C5: variants seen among roughly 807,000 people sequenced by gnomAD.
C5 encodes the protein C3 and PZP-like alpha-2-macroglobulin domain-containing protein 4.
In C5, 140 loss-of-function variants were observed where a neutral mutation model predicts 218.8. The observed-to-expected ratio is 0.64, with a 90% CI of 0.56 to 0.74. The LOEUF (loss-of-function observed/expected upper bound fraction) is 0.74. Ranked by LOEUF, C5 falls within the 30% of genes least tolerant of loss-of-function variation. C5 has a pLI of 0.00. For synonymous variants in C5, 614 were observed against 682.3 expected, an observed-to-expected ratio of 0.90 and a Z score of 1.56; for missense variants, 1,700 against 1,969.6, an observed-to-expected ratio of 0.86 and a Z score of 2.59.
Position 121,035,735 on chromosome 9 carries a change from A to AT in C5, c.493-842dup, listed in dbSNP as rs1198702865. Among the ~76,000 whole-genome samples, 633 of 143,914 alleles carry AT rather than the reference A, an allele frequency of 4.4e-3. 1 individual carries two copies. Among genetic ancestry groups the AT allele is most frequent in the Admixed American group, 6.1e-3 (88 of 14,358 alleles). The allele number at this position is 143,914 out of a possible 152,430, so 94.4% of individuals were successfully genotyped here. On this transcript the variant is annotated intron_variant, in intron 4 of 40. Transcript: ENST00000223642. ...CAGGCACATGCCACCATGCCCAGCTATTTTTTTTTTTTTAATTTTTAGTAG... is the reference window on the plus strand; with the variant it reads ...CAGGCACATGCCACCATGCCCAGCTATTTTTTTTTTTTTTAATTTTTAGTAG...
chr9:121,020,220 T>C, intron 11 of C5, 41 bp from the exon 12 acceptor site: 1 of 1,325,080 alleles, frequency 7.5e-7, no homozygotes, highest in Non-Finnish European at 1.1e-6. Context: ...TACTGTGATG[T>C]AATGCTTTCT....
chr9:121,069,571 T>G, the C5 span, among the ~76,000 whole-genome samples: 10 of 151,488 alleles, frequency 6.6e-5, no homozygotes, highest in East Asian at 1.7e-3. Context: ...GGCATTGCAG[T>G]GGCATGATGA....
At chr9:120,957,144 C>A in intron 39 of C5, 141 bp downstream of exon 39, 3 of 647,496 alleles carry the variant, frequency 4.6e-6, no homozygotes, top group South Asian at 3.4e-5. Context: ...AATGTTTCTC[C>A]CCAAGTAGAA....
At chr9:121,073,365 T>G in the C5 span, among the ~76,000 whole-genome samples, 1 of 152,178 alleles carries the variant, frequency 6.6e-6, no homozygotes, top group South Asian at 2.1e-4. Flanking sequence ...TAAACTCTTC[T>G]TTTGGGCGTA....
intron 25 of C5, among the ~76,000 whole-genome samples, chr9:120,988,773 A>G (rs1320016445): frequency 6.6e-6 from 1 of 152,220 alleles, no homozygotes; most frequent in Admixed American, 6.5e-5. Context: ...CTGAACCCAG[A>G]AGACTAAGGG....
At chr9:121,035,882 CA>C (rs1258289581) in intron 4 of C5, among the ~76,000 whole-genome samples, 6 of 151,748 alleles carry the variant, frequency 4.0e-5, no homozygotes, top group Non-Finnish European at 5.9e-5. Context: ...GACCAGCCTA[CA>C]AAAAAATGTT....
the C5 span, among the ~76,000 whole-genome samples, chr9:121,055,311 T>G: frequency 6.6e-6 from 1 of 152,098 alleles, no homozygotes; most frequent in African/African-American, 2.4e-5. Flanking sequence ...TTCACAGATT[T>G]TTTTTCCTCT....
chr9:121,029,797 CT>C (rs1448812834), intron 7 of C5, among the ~76,000 whole-genome samples: 1 of 152,192 alleles, frequency 6.6e-6, no homozygotes, highest in African/African-American at 2.4e-5. Context: ...TCCATTGCCT[CT>C]TTGAGTGTTG....
chr9:120,963,537 A>G (rs2046843329), intron 34 of C5, 99 bp downstream of exon 34: 2 of 881,344 alleles, frequency 2.3e-6, no homozygotes. Flanking sequence ...TGATTCTATA[A>G]AAGTGGTATA....
the C5 span, among the ~76,000 whole-genome samples, chr9:121,069,103 A>G: frequency 1.3e-5 from 2 of 152,198 alleles, no homozygotes; most frequent in Non-Finnish European, 1.5e-5. Flanking sequence ...GATTTTATGA[A>G]TAAGACCTCA....
chr9:120,996,000 G>A (rs1042751743), intron 22 of C5, among the ~76,000 whole-genome samples: 2 of 151,898 alleles, frequency 1.3e-5, no homozygotes, highest in Admixed American at 1.3e-4. Flanking sequence ...TGTATTTTTA[G>A]TAGAGGTAGG....
upstream of C5, among the ~76,000 whole-genome samples, chr9:121,054,238 C>T (rs2047687242): frequency 6.6e-6 from 1 of 152,060 alleles, no homozygotes; most frequent in South Asian, 2.1e-4. Context: ...TAAACAAGAC[C>T]TCAGGCCATT....
intron 25 of C5, among the ~76,000 whole-genome samples, chr9:120,985,782 G>A (rs1358391484): frequency 6.6e-6 from 1 of 152,170 alleles, no homozygotes; most frequent in East Asian, 1.9e-4. Context: ...CATTTTGGAA[G>A]CAAATAACCA....
At chr9:121,000,348 C>T (rs1012895959) in intron 20 of C5, among the ~76,000 whole-genome samples, 5 of 152,118 alleles carry the variant, frequency 3.3e-5, no homozygotes, top group Non-Finnish European at 5.9e-5. Flanking sequence ...AGAATAACAA[C>T]ATCAAAAACG....
intron 25 of C5, among the ~76,000 whole-genome samples, chr9:120,985,551 A>G (rs2047026849): frequency 6.6e-6 from 1 of 151,288 alleles, no homozygotes; most frequent in Admixed American, 6.6e-5. Flanking sequence ...ATGGTTGTCC[A>G]TCAAGATAGG....
chr9:121,024,012 A>G (rs2047390011), intron 9 of C5, among the ~76,000 whole-genome samples: 1 of 151,016 alleles, frequency 6.6e-6, no homozygotes, highest in Admixed American at 6.6e-5. Context: ...GTTCGAGACC[A>G]GCCGGGCCAA....
intron 20 of C5, among the ~76,000 whole-genome samples, chr9:121,005,498 G>T (rs573654287): frequency 1.3e-5 from 2 of 152,254 alleles, no homozygotes; most frequent in Non-Finnish European, 2.9e-5. Flanking sequence ...GGTGAGATGT[G>T]AATGTCTGAA....
chr9:121,017,083 C>T (rs1431516301), intron 14 of C5, among the ~76,000 whole-genome samples: 3 of 152,174 alleles, frequency 2.0e-5, no homozygotes, highest in African/African-American at 4.8e-5. Context: ...CAACACCCTA[C>T]CCTAAACCTC....
the C5 span, among the ~76,000 whole-genome samples, chr9:121,073,348 C>A: frequency 6.6e-6 from 1 of 152,176 alleles, no homozygotes; most frequent in Non-Finnish European, 1.5e-5. Context: ...CCTCCCTACT[C>A]CTTGCCTAAA....
Sources: gnomAD v4.1 joint callset for allele counts (sites outside exome capture counted in the v4.1 genomes callset) on GRCh38, gnomAD v4.1.1 for gene constraint, MANE v1.5 for transcripts, NCBI Gene and HGNC (gene_info 2026-07-23, HGNC 2026-07-21) for gene names.